Variants in CREM observed in about 807,000 individuals in gnomAD.
CREM encodes the protein cAMP responsive element modulator.
Under a neutral mutation model 37.3 loss-of-function variants are expected in CREM, and 13 were observed. That is an observed-to-expected ratio of 0.35 (90% CI 0.23 to 0.55). The LOEUF (loss-of-function observed/expected upper bound fraction) is 0.55, where lower values mean the gene tolerates loss of function less well. Among genes scored for constraint, CREM ranks in the 20% least tolerant of loss-of-function variants. CREM has a pLI of 0.88. For synonymous variants in CREM, 124 were observed against 120.2 expected (o/e 1.03, Z -0.21); for missense variants, 296 against 362.3 (o/e 0.82, Z 1.49).
At chr10:35,209,240 T>C (rs908167394) in intron 7 of CREM, 23 of 860,148 alleles carry the variant, frequency 2.7e-5, no homozygotes, top group Non-Finnish European at 3.2e-5. Flanking sequence ...TATTCTTTGA[T>C]TGGCATCTAT....
rs28687233 is a variant in CREM at position 35,186,999 on chromosome 10, T to C, written c.410-1201T>C. 5.2e-3 allele frequency among the ~76,000 whole-genome samples: 474 copies of C among 90,606 alleles called. 5 individuals are homozygous for C. Among genetic ancestry groups the C allele is most frequent in the African/African-American group, 0.021 (449 of 21,214 alleles). The allele number at this position is 90,606 out of a possible 152,430, so 59.4% of individuals were successfully genotyped here. A position where few individuals can be genotyped will look rare whatever the true frequency, so the allele number is the denominator to read the frequency against. Reference sequence around the variant, plus strand: ...ATTATATGTGATATATATTATATATTATATATAATATAATATATAATATAT... The same window carrying C: ...ATTATATGTGATATATATTATATATCATATATAATATAATATATAATATAT... On this transcript the variant is annotated intron_variant, in intron 5 of 7. Coordinates refer to ENST00000685392, the MANE Select transcript of CREM (RefSeq NM_183011.2).
chr10:35,160,570 T>C (rs992373659), intron 3 of CREM, among the ~76,000 whole-genome samples: 2 of 152,196 alleles, frequency 1.3e-5, no homozygotes, highest in Admixed American at 6.5e-5. Context: ...AGCTAACTTA[T>C]TTTATTTTTT....
At chr10:35,141,352 G>T (rs935939965) in intron 2 of CREM, among the ~76,000 whole-genome samples, 6 of 152,206 alleles carry the variant, frequency 3.9e-5, no homozygotes, top group Non-Finnish European at 5.9e-5. Flanking sequence ...ACATGTTTTA[G>T]AAACATAACT....
At chr10:35,157,486 T>A (rs538019359) in intron 3 of CREM, among the ~76,000 whole-genome samples, 1 of 151,940 alleles carries the variant, frequency 6.6e-6, no homozygotes, top group East Asian at 1.9e-4. Context: ...TATACAAATA[T>A]TAGCCGGGCA....
At chr10:35,196,560 A>C (rs2095175021) in intron 6 of CREM, 1 of 154,828 alleles carries the variant, frequency 6.5e-6, no homozygotes, top group South Asian at 1.9e-4. Context: ...CCTGTATTAC[A>C]TTGTTTTTAA....
At position 35,178,890 on chromosome 10, in the gene CREM, TAGC is replaced by T; in HGVS notation, c.175_177del (p.Ala59del). On this transcript the variant is annotated inframe_deletion and splice_region_variant, in exon 4 of 8. Coordinates refer to ENST00000685392, the MANE Select transcript of CREM (RefSeq NM_183011.2). ...ATTTCAGAAAATCTTGTATTATAGGTAGCAGCAATTGCAGAGACAGATGAATCT... is the reference window on the plus strand; with the variant it reads ...ATTTCAGAAAATCTTGTATTATAGGTAGCAATTGCAGAGACAGATGAATCT... The T allele has an allele frequency of 6.2e-7, 1 of 1,605,902 alleles. No individual in the cohort carries two copies. Among genetic ancestry groups the T allele is most frequent in the South Asian group, 1.1e-5 (1 of 89,546 alleles).
At chr10:35,186,726 A>ATATAATTATATATAGT (rs1234254944) in intron 5 of CREM, among the ~76,000 whole-genome samples, 25 of 135,118 alleles carry the variant, frequency 1.9e-4, no homozygotes, top group African/African-American at 6.8e-4. Context: ...ATATAACTAT[A>ATATAATTATATATAGT]TATAATTATA....
chr10:35,209,925 A>T (rs1017088120), intron 7 of CREM, among the ~76,000 whole-genome samples: 1 of 152,174 alleles, frequency 6.6e-6, no homozygotes, highest in African/African-American at 2.4e-5. Flanking sequence ...TTGTATGTTC[A>T]CAGGGTGAGT....
At chr10:35,208,994 A>T (rs2095604051) in intron 7 of CREM, among the ~76,000 whole-genome samples, 1 of 152,194 alleles carries the variant, frequency 6.6e-6, no homozygotes, top group South Asian at 2.1e-4. Context: ...TATTATGCCC[A>T]GTTTACAGAT....
chr10:35,177,078 A>C (rs574979830), intron 3 of CREM, among the ~76,000 whole-genome samples: 119 of 93,604 alleles, frequency 1.3e-3, no homozygotes, highest in South Asian at 7.5e-4. Flanking sequence ...AATTGATGAC[A>C]AAAAAAAAAA....
chr10:35,139,285 A>G (rs575057620), intron 2 of CREM, among the ~76,000 whole-genome samples: 1 of 152,116 alleles, frequency 6.6e-6, no homozygotes, highest in East Asian at 1.9e-4. Flanking sequence ...ACACCCAGCT[A>G]ATTTTTGTAT....
At chr10:35,156,545 C>G (rs1432201539) in intron 3 of CREM, among the ~76,000 whole-genome samples, 1 of 152,212 alleles carries the variant, frequency 6.6e-6, no homozygotes, top group Non-Finnish European at 1.5e-5. Context: ...CCACTATGTT[C>G]AGCCAGAGAC....
intron 6 of CREM, among the ~76,000 whole-genome samples, chr10:35,206,488 A>T (rs920748882): frequency 6.6e-6 from 1 of 152,134 alleles, no homozygotes; most frequent in Admixed American, 6.6e-5. Flanking sequence ...GGTAGCTTGA[A>T]ACTGGCCATG....
intron 3 of CREM, among the ~76,000 whole-genome samples, chr10:35,164,526 T>C (rs115492045): frequency 0.015 from 2,298 of 152,328 alleles, 60 homozygotes; most frequent in African/African-American, 0.052. Flanking sequence ...ACTTTAGATT[T>C]CTCCTAGATA....
intron 6 of CREM, among the ~76,000 whole-genome samples, chr10:35,199,163 A>G (rs2095310193): frequency 6.6e-6 from 1 of 152,270 alleles, no homozygotes; most frequent in Admixed American, 6.5e-5. Context: ...ACAACAAAAA[A>G]GAATAATTTC....
Position 35,189,582 on chromosome 10 carries a change from C to T in CREM, c.598+1194C>T, listed in dbSNP as rs537718514. Among the ~76,000 whole-genome samples, 8 of 152,164 alleles carry T rather than the reference C, an allele frequency of 5.3e-5. No individual in the cohort carries two copies. The South Asian group carries it at 1.7e-3, about 32-fold the overall frequency. On this transcript the variant is annotated intron_variant, in intron 6 of 7. Transcript: ENST00000685392. ...CCAGGCTGGAGTGCAGTGGCGCGAT[C>T]TCGGCTCACTGCGACCTCCGCCTCC...
intron 3 of CREM, among the ~76,000 whole-genome samples, chr10:35,159,604 A>G (rs2093162640): frequency 6.6e-6 from 1 of 152,248 alleles, no homozygotes; most frequent in Non-Finnish European, 1.5e-5. Context: ...TATAAGACCC[A>G]AAACTATGAA....
chr10:35,149,402 A>G (rs1034458452), intron 3 of CREM, among the ~76,000 whole-genome samples: 16 of 152,158 alleles, frequency 1.1e-4, no homozygotes, highest in Non-Finnish European at 2.1e-4. Flanking sequence ...CAGCTGGTAA[A>G]GGTAAGTAGA....
At chr10:35,142,941 G>A (rs2091623385) in intron 2 of CREM, among the ~76,000 whole-genome samples, 2 of 152,076 alleles carry the variant, frequency 1.3e-5, no homozygotes, top group Non-Finnish European at 2.9e-5. Context: ...ATTTCATTCA[G>A]TATTGTTCAT....
Sources: allele counts gnomAD v4.1 joint callset (sites outside exome capture counted in the v4.1 genomes callset), GRCh38; gene constraint gnomAD v4.1.1; transcripts MANE v1.5; gene names NCBI Gene and HGNC (gene_info 2026-07-23, HGNC 2026-07-21).